SAP130: variants seen among roughly 807,000 people sequenced by gnomAD.
The protein encoded by SAP130 is Sin3A associated protein 130, also known as histone deacetylase complex subunit SAP130.
In SAP130, 16 loss-of-function variants were observed where a neutral mutation model predicts 103.2. That is an observed-to-expected ratio of 0.16 (90% CI 0.10 to 0.24). The LOEUF (loss-of-function observed/expected upper bound fraction) is 0.24, where lower values mean the gene tolerates loss of function less well. Among genes scored for constraint, SAP130 ranks in the 10% least tolerant of loss-of-function variants. The probability of loss-of-function intolerance (pLI) is 1.00; values close to 1 mark genes in which losing one functional copy is unlikely to be tolerated. For missense variants in SAP130, 990 were observed against 1,359.7 expected (o/e 0.73, Z 4.28); for synonymous variants, 477 against 497.0 (o/e 0.96, Z 0.53).
intron 15 of SAP130, among the ~76,000 whole-genome samples, chr2:127,966,117 C>T (rs1480094213): frequency 6.6e-6 from 1 of 151,852 alleles, no homozygotes; most frequent in Non-Finnish European, 1.5e-5. Flanking sequence ...CTGAGGCGGG[C>T]GGATCACAAG....
At chr2:128,001,687 T>C (rs930653481) in intron 7 of SAP130, among the ~76,000 whole-genome samples, 60 of 152,164 alleles carry the variant, frequency 3.9e-4, no homozygotes, top group African/African-American at 1.4e-3. Flanking sequence ...CTAGGAGCAA[T>C]AGTTATAGCA....
At chr2:127,982,085 T>C (rs1172343207) in intron 14 of SAP130, among the ~76,000 whole-genome samples, 1 of 151,942 alleles carries the variant, frequency 6.6e-6, no homozygotes, top group Non-Finnish European at 1.5e-5. Flanking sequence ...ACATTTTCTA[T>C]ATACTTCCAT....
chr2:127,964,072 C>T lies in SAP130; in HGVS notation c.2064-8728G>A, dbSNP rs576091078. Among the ~76,000 whole-genome samples, 15 of 152,290 alleles carry T rather than the reference C, an allele frequency of 9.8e-5. No homozygotes were observed. In the South Asian group the frequency reaches 3.1e-3, roughly 32 times the overall value. On this transcript the variant is annotated intron_variant, in intron 15 of 20. Transcript: ENST00000643581. ...GAGAGCTGAGCATAGTGGTATGTGC[C>T]TGTAGTCCCCTACTCAGGAGCCTGA...
intron 1 of SAP130, among the ~76,000 whole-genome samples, chr2:128,026,599 A>G (rs144171878): frequency 6.6e-6 from 1 of 152,352 alleles, no homozygotes; most frequent in East Asian, 1.9e-4. Context: ...GACAGGTATT[A>G]CCACAATGCA....
rs187473139 is a variant in SAP130, at chr2:127,999,423, G to A, written c.1213+318C>T. Among the ~76,000 whole-genome samples, 517 of 152,064 alleles carry A rather than the reference G, an allele frequency of 3.4e-3. 2 individuals carry two copies. The highest frequency in any genetic ancestry group is 0.012 in the African/African-American group (483 of 41,490). On this transcript the variant is annotated intron_variant, in intron 10 of 20. Coordinates refer to ENST00000643581, the MANE Select transcript of SAP130 (RefSeq NM_001330301.2). Reference sequence around the variant, plus strand: ...TCAAGACCAGCCTGGCCAACGTAGCGAAACCCCATCTCTACTAAAAATACA... The same window carrying A: ...TCAAGACCAGCCTGGCCAACGTAGCAAAACCCCATCTCTACTAAAAATACA...
Position 128,016,544 on chromosome 2 carries a change from G to C in SAP130, c.352C>G (p.Pro118Ala). The C allele has an allele frequency of 6.2e-7, 1 of 1,609,694 alleles. No individual in the cohort carries two copies. Among genetic ancestry groups the C allele is most frequent in the Non-Finnish European group, 8.5e-7 (1 of 1,177,740 alleles). ...LSFSEGLMKPPPKPTMPSRPI... is the reference protein window; with the variant it reads ...LSFSEGLMKPAPKPTMPSRPI... ...CGGCTAGGCATGGTGGGCTTCGGGG[G>C]CGGCTGCAAACAGAAAACCACACAA... The change falls in exon 4 of 21, where the codon CCC (proline) becomes GCC (alanine). Residue 118 changes from proline to alanine, a missense_variant. Transcript: ENST00000643581.
rs1573872976 is a variant in SAP130, at chr2:128,026,221, T to G, written c.72A>C (p.Ala24=). 1 of 1,614,166 alleles carries G rather than the reference T, an allele frequency of 6.2e-7. No homozygotes were observed. Among genetic ancestry groups the G allele is most frequent in the Admixed American group, 1.7e-5 (1 of 60,028 alleles). The part of the protein sequence containing the change: ...TGLSQAPSQI[A]NSGSAGLINP... The stretch of plus-strand genomic sequence containing the variant: ...TTATCAATCCAGCAGAACCACTGTT[T>G]GCAATCTGAGAAGGGGCCTGGCTCA... Residue 24 remains alanine (A), a synonymous_variant, in exon 2 of 21, where the codon GCA becomes GCC. Coordinates refer to ENST00000643581, the MANE Select transcript of SAP130 (RefSeq NM_001330301.2).
At chr2:128,012,930 G>T in intron 6 of SAP130, 100 bp downstream of exon 6, 2 of 1,190,912 alleles carry the variant, frequency 1.7e-6, no homozygotes, top group East Asian at 2.8e-5. Context: ...CTATGTCTTG[G>T]CAACTAGATG....
rs1304831780 is a variant in SAP130 at position 127,978,016 on chromosome 2, G to A, written c.2032C>T (p.Arg678Trp). 3.9e-6 allele frequency: 6 copies of A among 1,551,950 alleles called. No homozygotes were observed. Among genetic ancestry groups the A allele is most frequent in the Admixed American group, 3.9e-5 (2 of 51,004 alleles). The change falls in exon 15 of 21, where the codon CGG becomes TGG. Residue 678 changes from arginine (R) to tryptophan (W), a missense_variant. Physicochemically the swap from Arg to Trp is moderately radical, Grantham distance 101. Coordinates refer to ENST00000643581, the MANE Select transcript of SAP130 (RefSeq NM_001330301.2). ...VASPRVESSM[R>W]STSGSPRPAG... ...GGCCTAGGTGACCCAGACGTACTCCGCATAGAGCTTTCCACTCGAGGACTA... is the reference window on the plus strand; with the variant it reads ...GGCCTAGGTGACCCAGACGTACTCCACATAGAGCTTTCCACTCGAGGACTA...
intron 15 of SAP130, among the ~76,000 whole-genome samples, chr2:127,973,190 C>G (rs895046941): frequency 2.6e-5 from 4 of 152,304 alleles, no homozygotes; most frequent in African/African-American, 9.6e-5. Context: ...TCTCTATCAC[C>G]AGCACGGACT....
chr2:127,948,070 G>A (rs561182064), intron 18 of SAP130, among the ~76,000 whole-genome samples: 9 of 152,148 alleles, frequency 5.9e-5, no homozygotes, highest in Admixed American at 5.2e-4. Flanking sequence ...GATTACAGGC[G>A]TGAGTCACCA....
chr2:128,010,879 A>G (rs1324835382), intron 6 of SAP130, among the ~76,000 whole-genome samples: 3 of 148,926 alleles, frequency 2.0e-5, no homozygotes, highest in African/African-American at 7.4e-5. Context: ...ATAGAAAAGA[A>G]AAAAAAAAAA....
At chr2:127,965,985 G>C (rs1680629122) in intron 15 of SAP130, among the ~76,000 whole-genome samples, 1 of 152,086 alleles carries the variant, frequency 6.6e-6, no homozygotes, top group African/African-American at 2.4e-5. Flanking sequence ...CATACTTCTT[G>C]TAAATTCTGC....
chr2:128,005,313 A>C (rs974053310), intron 7 of SAP130, among the ~76,000 whole-genome samples: 2 of 152,170 alleles, frequency 1.3e-5, no homozygotes, highest in Admixed American at 1.3e-4. Context: ...AACAGTTAAA[A>C]AAATTACATA....
At chr2:128,025,609 C>G (rs562448350) in intron 2 of SAP130, among the ~76,000 whole-genome samples, 2 of 152,154 alleles carry the variant, frequency 1.3e-5, no homozygotes, top group Non-Finnish European at 2.9e-5. Context: ...AGTATAACAA[C>G]TATTTACATA....
In SAP130 at chr2:127,955,650, C is replaced by G. The variant is rs999322244; in HGVS notation, c.2064-306G>C. Among the ~76,000 whole-genome samples, 8 of 152,014 alleles carry G rather than the reference C, an allele frequency of 5.3e-5. No individual in the cohort carries two copies. The highest frequency in any genetic ancestry group is 1.7e-4 in the African/African-American group (7 of 41,390). On this transcript the variant is annotated intron_variant, in intron 15 of 20. Coordinates refer to ENST00000643581, the MANE Select transcript of SAP130 (RefSeq NM_001330301.2). This position sits in a 1 kb window ranked among gnomAD's most constrained non-coding sequence, Gnocchi z 4.9. ...TACAGGTGTGTGCCACCATGCCAGGCTAATTTTTGTATTTTTTTGTGGAGA... is the reference window on the plus strand; with the variant it reads ...TACAGGTGTGTGCCACCATGCCAGGGTAATTTTTGTATTTTTTTGTGGAGA...
rs1354541427 is a variant in SAP130, at chr2:127,955,377, T to A, written c.2064-33A>T. The A allele has an allele frequency of 2.7e-6, 4 of 1,481,368 alleles. No homozygotes were observed. The highest frequency in any genetic ancestry group is 2.2e-5 in the Admixed American group (1 of 45,378). The allele number at this position is 1,481,368 out of a possible 1,614,324, so 91.8% of individuals were successfully genotyped here. A position where few individuals can be genotyped will look rare whatever the true frequency, so the allele number is the denominator to read the frequency against. ...ACAAAAGAAAAGCACATGTAGCAAA[T>A]AAGAAAAAAACTGCCTTCATCTACA... On this transcript the variant is annotated intron_variant, in intron 15 of 20. Transcript: ENST00000643581. This position sits in a 1 kb window ranked among gnomAD's most constrained non-coding sequence, Gnocchi z 4.9.
At chr2:127,985,542 C>G (rs1245139639) in intron 14 of SAP130, among the ~76,000 whole-genome samples, 2 of 152,182 alleles carry the variant, frequency 1.3e-5, no homozygotes, top group Non-Finnish European at 2.9e-5. Context: ...GATCCACCAA[C>G]TGAGAAGCTT....
intron 16 of SAP130, 73 bp from the exon 17 acceptor site, chr2:127,950,481 A>G: frequency 6.5e-7 from 1 of 1,546,556 alleles, no homozygotes; most frequent in East Asian, 2.2e-5. Flanking sequence ...CCTTCCTTCC[A>G]ACAAAGATGA....
Sources: gnomAD v4.1 joint callset for allele counts (sites outside exome capture counted in the v4.1 genomes callset) on GRCh38, gnomAD v4.1.1 for gene constraint, Gnocchi (gnomAD v3.1) non-coding constraint, MANE v1.5 for transcripts, NCBI Gene and HGNC (gene_info 2026-07-23, HGNC 2026-07-21) for gene names.